MTHFD1L: variants seen among roughly 807,000 people sequenced by gnomAD.
MTHFD1L encodes monofunctional C1-tetrahydrofolate synthase, mitochondrial.
MTHFD1L carries 81 observed loss-of-function variants against 119.5 expected under a neutral mutation model. The ratio of observed to expected loss-of-function variants is 0.68; its 90% confidence interval spans 0.57 to 0.82. The LOEUF is 0.82. Ranked by LOEUF, MTHFD1L falls within the 40% of genes least tolerant of loss-of-function variation. The probability of loss-of-function intolerance (pLI) is 0.00; values close to 1 mark genes in which losing one functional copy is unlikely to be tolerated. For missense variants in MTHFD1L, 1,125 were observed against 1,253.4 expected (o/e 0.90, Z 1.55); for synonymous variants, 430 against 475.2 (o/e 0.90, Z 1.24).
At chr6:150,928,699 G>A (rs980410478) in intron 11 of MTHFD1L, among the ~76,000 whole-genome samples, 3 of 151,456 alleles carry the variant, frequency 2.0e-5, no homozygotes, top group African/African-American at 4.9e-5. Flanking sequence ...GCACCCCCAC[G>A]CCTGGCTAAC....
At chr6:150,989,151 T>G (rs1195643764) in intron 20 of MTHFD1L, among the ~76,000 whole-genome samples, 4 of 152,242 alleles carry the variant, frequency 2.6e-5, no homozygotes, top group African/African-American at 9.6e-5. Context: ...GCCTAAGATT[T>G]AAAAGTACTA....
chr6:151,053,228 G>A (rs113766742), intron 26 of MTHFD1L, among the ~76,000 whole-genome samples: 406 of 152,260 alleles, frequency 2.7e-3, no homozygotes, highest in Non-Finnish European at 4.2e-3. Flanking sequence ...TAAGGCCATG[G>A]AGACCAGTAG....
At chr6:151,003,301 G>A (rs1275061272) in intron 20 of MTHFD1L, among the ~76,000 whole-genome samples, 2 of 152,132 alleles carry the variant, frequency 1.3e-5, no homozygotes, top group Admixed American at 6.5e-5. Context: ...GGAGGCCGAG[G>A]TGGGCGGATC....
intron 16 of MTHFD1L, among the ~76,000 whole-genome samples, chr6:150,952,712 T>C (rs865925492): frequency 1.1e-4 from 16 of 152,140 alleles, no homozygotes; most frequent in Admixed American, 3.3e-4. Context: ...GTATTTTTAG[T>C]AGAGACGGGG....
In MTHFD1L at chr6:150,915,022, A is replaced by ATAT. The variant is rs375624158; in HGVS notation, c.893-3553_893-3552insTTA. Among the ~76,000 whole-genome samples, 244 of 152,336 alleles carry ATAT rather than the reference A, an allele frequency of 1.6e-3. 1 individual carries two copies. Among genetic ancestry groups the ATAT allele is most frequent in the African/African-American group, 5.5e-3 (230 of 41,584 alleles). ...ACTTTGAATGGAGTTTCGACTGGAA[A>ATAT]TAGAGGGTAGTGTTGTGTGTACCAC... On this transcript the variant is annotated intron_variant, in intron 8 of 27. Coordinates refer to ENST00000367321, the MANE Select transcript of MTHFD1L (RefSeq NM_015440.5).
intron 9 of MTHFD1L, among the ~76,000 whole-genome samples, chr6:150,919,976 A>G (rs569144911): frequency 6.6e-6 from 1 of 152,304 alleles, no homozygotes; most frequent in South Asian, 2.1e-4. Context: ...CCAAGATGGC[A>G]TACTCACATG....
At chr6:150,902,286 C>T (rs74582169) in intron 7 of MTHFD1L, among the ~76,000 whole-genome samples, 3,874 of 152,118 alleles carry the variant, frequency 0.025, 150 homozygotes, top group African/African-American at 0.087. Flanking sequence ...ACTACTGCAC[C>T]CCCACACGCT....
chr6:151,010,891 C>T (rs1399178478), intron 21 of MTHFD1L, among the ~76,000 whole-genome samples: 2 of 152,156 alleles, frequency 1.3e-5, no homozygotes, highest in African/African-American at 2.4e-5. Flanking sequence ...ATTGCATAGT[C>T]AAAACAAGTA....
intron 26 of MTHFD1L, among the ~76,000 whole-genome samples, chr6:151,062,750 G>A (rs906419984): frequency 3.9e-5 from 6 of 152,060 alleles, no homozygotes; most frequent in African/African-American, 1.4e-4. Context: ...GTAAAATGAA[G>A]TTGCTGCTAC....
At chr6:151,091,099 ATGCGACTGGGTACAGCAT>A in intron 26 of MTHFD1L, among the ~76,000 whole-genome samples, 1 of 145,744 alleles carries the variant, frequency 6.9e-6, no homozygotes, top group African/African-American at 2.7e-5. Flanking sequence ...GCATCGTTCC[ATGCGACTGGGTACAGCAT>A]CGTTCTATGT....
intron 20 of MTHFD1L, among the ~76,000 whole-genome samples, chr6:151,000,586 A>G (rs375067687): frequency 9.2e-5 from 14 of 152,338 alleles, no homozygotes; most frequent in East Asian, 3.9e-4. Flanking sequence ...ACAAAGTTCT[A>G]TTTTTAAGCT....
At chr6:150,878,342 C>T (rs1250239031) in intron 4 of MTHFD1L, among the ~76,000 whole-genome samples, 1 of 152,084 alleles carries the variant, frequency 6.6e-6, no homozygotes, top group Admixed American at 6.5e-5. Context: ...ACCTCCGCCT[C>T]CCAGGTTCAA....
chr6:151,096,018 G>A (rs1207489724), intron 27 of MTHFD1L, among the ~76,000 whole-genome samples: 1 of 152,220 alleles, frequency 6.6e-6, no homozygotes, highest in Non-Finnish European at 1.5e-5. Flanking sequence ...ACTCAACTCA[G>A]ATCTGTTGAC....
chr6:150,963,748 C>T (rs905539729), intron 18 of MTHFD1L, among the ~76,000 whole-genome samples: 1 of 152,118 alleles, frequency 6.6e-6, no homozygotes, highest in Non-Finnish European at 1.5e-5. Context: ...GGGATAGCGC[C>T]CTGTTTTCCC....
At chr6:151,045,703 T>G (rs6925760) in intron 26 of MTHFD1L, among the ~76,000 whole-genome samples, 43,107 of 152,054 alleles carry the variant, frequency 0.28, 6,772 homozygotes, top group African/African-American at 0.39. Context: ...CCTCCTCCCC[T>G]CCCAGCATGA....
chr6:151,014,553 A>G (rs2128489763), intron 22 of MTHFD1L, among the ~76,000 whole-genome samples: 1 of 152,302 alleles, frequency 6.6e-6, no homozygotes, highest in South Asian at 2.1e-4. Context: ...AGCCAGGAAT[A>G]CCTGGTCAGA....
chr6:150,922,538 G>A (rs914238898), intron 10 of MTHFD1L, among the ~76,000 whole-genome samples: 1 of 151,116 alleles, frequency 6.6e-6, no homozygotes, highest in Non-Finnish European at 1.5e-5. Context: ...TTTCAATGAT[G>A]TTTTCTATAT....
intron 1 of MTHFD1L, among the ~76,000 whole-genome samples, chr6:150,872,685 A>G (rs780609642): frequency 6.6e-6 from 1 of 152,236 alleles, no homozygotes. Context: ...CATTGGAAAA[A>G]TGACTCCCAT....
At chr6:150,873,251 G>A (rs1365924367) in intron 1 of MTHFD1L, among the ~76,000 whole-genome samples, 2 of 152,054 alleles carry the variant, frequency 1.3e-5, no homozygotes, top group Non-Finnish European at 2.9e-5. Flanking sequence ...GGAGATGGAG[G>A]TTGCAGTGAG....
Sources: gnomAD v4.1 joint callset for allele counts (sites outside exome capture counted in the v4.1 genomes callset) on GRCh38, gnomAD v4.1.1 for gene constraint, MANE v1.5 for transcripts, NCBI Gene and HGNC (gene_info 2026-07-23, HGNC 2026-07-21) for gene names.